Variants in PTPN14 observed in about 807,000 individuals in gnomAD.
The protein encoded by PTPN14 is tyrosine-protein phosphatase non-receptor type 14.
In PTPN14, 53 loss-of-function variants were observed where a neutral mutation model predicts 126.8. The ratio of observed to expected loss-of-function variants is 0.42; its 90% CI spans 0.34 to 0.53. The LOEUF is 0.53. Ranked by LOEUF, PTPN14 falls within the 20% of genes least tolerant of loss-of-function variation. The probability of loss-of-function intolerance (pLI) is 0.08; values close to 1 mark genes in which losing one functional copy is unlikely to be tolerated. For synonymous variants in PTPN14, 630 were observed against 599.3 expected (o/e 1.05, Z -0.75); for missense variants, 1,257 against 1,552.9 (o/e 0.81, Z 3.20).
intron 1 of PTPN14, among the ~76,000 whole-genome samples, chr1:214,536,199 G>A (rs1655700591): frequency 6.6e-6 from 1 of 152,096 alleles, no homozygotes; most frequent in Admixed American, 6.5e-5. Flanking sequence ...CTTGGGGCCA[G>A]GAGTTCGAGA....
chr1:214,413,300 T>C (rs1204085889), intron 4 of PTPN14, among the ~76,000 whole-genome samples: 2 of 152,228 alleles, frequency 1.3e-5, no homozygotes, highest in African/African-American at 4.8e-5. Flanking sequence ...TTTCTTCCCC[T>C]CCAGTCTTTA....
At chr1:214,456,424 T>C (rs1660383976) in intron 2 of PTPN14, among the ~76,000 whole-genome samples, 1 of 152,198 alleles carries the variant, frequency 6.6e-6, no homozygotes, top group South Asian at 2.1e-4. Flanking sequence ...TGCAATTACA[T>C]TCCAATGGCT....
intron 3 of PTPN14, among the ~76,000 whole-genome samples, chr1:214,425,479 C>G (rs1213399300): frequency 6.6e-6 from 1 of 152,168 alleles, no homozygotes; most frequent in East Asian, 1.9e-4. Flanking sequence ...TAATTATGTG[C>G]ATCTATTTTG....
chr1:214,433,025 T>C (rs1197401861), intron 3 of PTPN14, among the ~76,000 whole-genome samples: 2 of 152,152 alleles, frequency 1.3e-5, no homozygotes, highest in South Asian at 4.1e-4. Flanking sequence ...TGCCTCAGCC[T>C]CCTGAGTAGC....
chr1:214,524,602 T>G (rs147223903), intron 1 of PTPN14, among the ~76,000 whole-genome samples: 275 of 152,180 alleles, frequency 1.8e-3, no homozygotes, highest in African/African-American at 6.3e-3. Context: ...CAGTGGGCTA[T>G]GATCGTGCCA....
chr1:214,423,267 C>G (rs1029266657), intron 3 of PTPN14, among the ~76,000 whole-genome samples: 2 of 151,992 alleles, frequency 1.3e-5, no homozygotes, highest in African/African-American at 4.8e-5. Context: ...TTGGAGGCTG[C>G]GGTGAGTTGT....
chr1:214,432,808 A>C (rs1180546193), intron 3 of PTPN14, among the ~76,000 whole-genome samples: 1 of 152,172 alleles, frequency 6.6e-6, no homozygotes, highest in Non-Finnish European at 1.5e-5. Flanking sequence ...ATCCATAAAC[A>C]CTGAGAGGGA....
intron 1 of PTPN14, among the ~76,000 whole-genome samples, chr1:214,535,813 C>T (rs1655690580): frequency 6.6e-6 from 1 of 151,598 alleles, no homozygotes; most frequent in African/African-American, 2.4e-5. Flanking sequence ...AGATAATCCA[C>T]TTCCTTGTCA....
intron 5 of PTPN14, among the ~76,000 whole-genome samples, chr1:214,404,132 G>A (rs1183623620): frequency 1.3e-5 from 2 of 152,084 alleles, no homozygotes; most frequent in Admixed American, 1.3e-4. Flanking sequence ...CCCTAAAAAT[G>A]TACACCTCAA....
intron 1 of PTPN14, among the ~76,000 whole-genome samples, chr1:214,470,506 G>A (rs549198449): frequency 7.2e-5 from 11 of 152,202 alleles, no homozygotes; most frequent in Admixed American, 3.9e-4. Flanking sequence ...CACTTGGCCA[G>A]GCACGGTGAC....
Position 214,450,483 on chromosome 1 carries a change from AAAAAAG to A in PTPN14, c.344+1316_344+1321del, listed in dbSNP as rs202068762. Among the ~76,000 whole-genome samples, 667 of 151,656 alleles carry A rather than the reference AAAAAAG, an allele frequency of 4.4e-3. 4 individuals carry two copies. Among genetic ancestry groups the A allele is most frequent in the Middle Eastern group, 0.01 (3 of 294 alleles). ...CAAGACTCCGTCTCAAATTAAAAAA[AAAAAAG>A]AAAAAGAAAAAGAAAAAGCAAGCAA... On this transcript the variant is annotated intron_variant, in intron 3 of 18. Transcript: ENST00000366956.
At position 214,384,040 on chromosome 1, in the gene PTPN14, C is replaced by A. The variant is rs747013835; in HGVS notation, c.1815G>T (p.Ser605=). The change falls in exon 13 of 19, where the codon TCG becomes TCT. Residue 605 remains serine (S), a synonymous_variant. Transcript: ENST00000366956. The surrounding 1 kb of genome is among the most constrained non-coding windows in gnomAD (Gnocchi z 5.3). ...AGCTGTCCTCTTGGAAGGTCTTCACCGAGAGCTGCACCTTCCGGGTCACCA... is the reference window on the plus strand; with the variant it reads ...AGCTGTCCTCTTGGAAGGTCTTCACAGAGAGCTGCACCTTCCGGGTCACCA... ...PDLVTRKVQL[S]VKTFQEDSSP... is the part of the protein sequence containing the mutation. 1 of 1,594,666 alleles carries A rather than the reference C, an allele frequency of 6.3e-7. No individual in the cohort carries two copies. The highest frequency in any genetic ancestry group is 8.5e-7 in the Non-Finnish European group (1 of 1,173,772).
intron 1 of PTPN14, among the ~76,000 whole-genome samples, chr1:214,534,157 T>G (rs912492997): frequency 1.3e-5 from 2 of 152,166 alleles, no homozygotes; most frequent in Non-Finnish European, 2.9e-5. Flanking sequence ...AGTTGTAAAC[T>G]TAAAGATTGA....
At chr1:214,388,746 G>C (rs1446411277) in intron 11 of PTPN14, among the ~76,000 whole-genome samples, 3 of 152,106 alleles carry the variant, frequency 2.0e-5, no homozygotes, top group Non-Finnish European at 2.9e-5. Flanking sequence ...GATTTTAAAG[G>C]TTACTATTTT....
intron 1 of PTPN14, among the ~76,000 whole-genome samples, chr1:214,520,065 A>AAAAAAAAAATATAT: frequency 2.8e-5 from 2 of 71,112 alleles, no homozygotes; most frequent in African/African-American, 1.5e-4. Flanking sequence ...AAAAAAAAAA[A>AAAAAAAAAATATAT]ATATATATAT....
rs115817682 is a variant in PTPN14, at chr1:214,395,020, C to T, written c.759-34G>A. The T allele has an allele frequency of 3.4e-4, 529 of 1,557,694 alleles. 3 individuals carry two copies. In the African/African-American group the frequency reaches 5.9e-3, roughly 17 times the overall value. ...AAGAAATGTCACTGTGTTTACTCAA[C>T]AATGTTCCAGGCATTTATGATACAG... On this transcript the variant is annotated intron_variant, in intron 8 of 18. Coordinates refer to ENST00000366956, the MANE Select transcript of PTPN14 (RefSeq NM_005401.5).
At chr1:214,533,916 A>G (rs1655629678) in intron 1 of PTPN14, among the ~76,000 whole-genome samples, 1 of 151,886 alleles carries the variant, frequency 6.6e-6, no homozygotes, top group Non-Finnish European at 1.5e-5. Flanking sequence ...CCAAGAAAAC[A>G]AGGAGGATGA....
At chr1:214,529,909 T>G (rs1216412412) in intron 1 of PTPN14, 3 of 152,120 alleles carry the variant, frequency 2.0e-5, no homozygotes, top group African/African-American at 7.2e-5. Flanking sequence ...AACCACTATA[T>G]GACAATGGAT....
intron 1 of PTPN14, among the ~76,000 whole-genome samples, chr1:214,488,929 T>A (rs1157804203): frequency 6.6e-6 from 1 of 152,220 alleles, no homozygotes; most frequent in African/African-American, 2.4e-5. Flanking sequence ...TTGTCACCGC[T>A]TCTCGAAATA....
Sources: allele counts gnomAD v4.1 joint callset (sites outside exome capture counted in the v4.1 genomes callset), GRCh38; gene constraint gnomAD v4.1.1; non-coding constraint Gnocchi (gnomAD v3.1); transcripts MANE v1.5; gene names NCBI Gene and HGNC (gene_info 2026-07-23, HGNC 2026-07-21).